The following WASHC2C variants were observed in gnomAD, a reference collection of about 807,000 sequenced individuals.
WASHC2C encodes Vaccinia Penetration Factor.
A neutral mutation model predicts 142.2 loss-of-function variants in WASHC2C; 73 were observed. The observed-to-expected ratio is 0.51, with a 90% CI of 0.43 to 0.62. The LOEUF (loss-of-function observed/expected upper bound fraction) is 0.62. Ranked by LOEUF, WASHC2C falls within the 20% of genes least tolerant of loss-of-function variation. The pLI is 0.00. For missense variants in WASHC2C, 969 were observed against 1,531.7 expected, an observed-to-expected ratio of 0.63 and a Z score of 6.13; for synonymous variants, 337 against 565.5, an observed-to-expected ratio of 0.60 and a Z score of 5.73.
chr10:45,790,591 T>A, intron 30 of WASHC2C, 58 bp downstream of exon 30: 1 of 1,611,936 alleles, frequency 6.2e-7, no homozygotes, highest in Non-Finnish European at 8.5e-7. Context: ...TCACTTGGTA[T>A]TTTTCCTGCT....
chr10:45,743,378 C>T lies in WASHC2C; in HGVS notation c.529-12C>T, dbSNP rs200251628. On this transcript the variant is annotated splice_polypyrimidine_tract_variant and intron_variant, in intron 5 of 30. Transcript: ENST00000623400. ...GAAATGTTTGACAGCCTATTCCTTT[C>T]ATCATGTACAGGATCTATACATTGA... is the stretch of plus-strand genomic sequence containing the variant. 186 of 1,611,854 alleles carry T rather than the reference C, an allele frequency of 1.2e-4. No homozygotes were observed. Among genetic ancestry groups the T allele is most frequent in the Non-Finnish European group, 1.5e-4 (177 of 1,179,852 alleles).
At chr10:45,736,405 CAAAAAAAAAAA>C (rs71520974) in intron 3 of WASHC2C, among the ~76,000 whole-genome samples, 156 of 24,550 alleles carry the variant, frequency 6.4e-3, no homozygotes, top group African/African-American at 0.014. Context: ...GACTCCATCT[CAAAAAAAAAAA>C]AAAAAAAAAA....
intron 26 of WASHC2C, 142 bp downstream of exon 26, chr10:45,785,773 A>G: frequency 6.8e-7 from 1 of 1,473,002 alleles, no homozygotes; most frequent in Non-Finnish European, 9.3e-7. Flanking sequence ...TCTTCACTGC[A>G]CTTCCCCCGA....
intron 23 of WASHC2C, among the ~76,000 whole-genome samples, chr10:45,783,020 G>A (rs547576985): frequency 2.6e-5 from 4 of 151,914 alleles, no homozygotes; most frequent in Non-Finnish European, 5.9e-5. Context: ...TTGTGGTAGT[G>A]GATACACAGA....
chr10:45,738,499 G>A (rs1319441529), intron 4 of WASHC2C, among the ~76,000 whole-genome samples: 3 of 150,010 alleles, frequency 2.0e-5, no homozygotes, highest in Non-Finnish European at 4.4e-5. Flanking sequence ...CATGGACTGT[G>A]AATAAGTTTA....
At chr10:45,760,736 G>T (rs1242969116) in intron 17 of WASHC2C, among the ~76,000 whole-genome samples, 1 of 83,792 alleles carries the variant, frequency 1.2e-5, no homozygotes, top group East Asian at 3.7e-4. Context: ...ACAACAGGAA[G>T]CCTGCTAGCA....
chr10:45,761,219 A>G (rs1309760757), intron 17 of WASHC2C, among the ~76,000 whole-genome samples: 1 of 151,946 alleles, frequency 6.6e-6, no homozygotes, highest in Non-Finnish European at 1.5e-5. Flanking sequence ...ATCTCTCACT[A>G]GCCCTGTGTG....
chr10:45,739,336 G>T, intron 4 of WASHC2C, among the ~76,000 whole-genome samples: 1 of 144,562 alleles, frequency 6.9e-6, no homozygotes. Flanking sequence ...TGTGTGGTTT[G>T]GTTCCTTCTA....
At chr10:45,749,368 G>A (rs1209859543) in intron 8 of WASHC2C, among the ~76,000 whole-genome samples, 1 of 151,058 alleles carries the variant, frequency 6.6e-6, no homozygotes, top group Non-Finnish European at 1.5e-5. Context: ...CTAGGAGGCG[G>A]AGGTTGCAGT....
chr10:45,777,527 C>T (rs2057200513), intron 22 of WASHC2C, 102 bp downstream of exon 22: 2 of 1,477,780 alleles, frequency 1.4e-6, no homozygotes, highest in African/African-American at 1.4e-5. Flanking sequence ...ATAAATGGCC[C>T]ATTTGTAGAC....
chr10:45,734,239 A>T lies in WASHC2C; in HGVS notation c.292-3744A>T, dbSNP rs1268719168. ...GACTCCGTCTCAAAAAAATAATAAT[A>T]AATAAATAAATAAATAATTGAACCT... On this transcript the variant is annotated intron_variant, in intron 3 of 30. Transcript: ENST00000623400. 2.6e-5 allele frequency among the ~76,000 whole-genome samples: 4 copies of T among 151,774 alleles called. No individual in the cohort carries two copies. In the East Asian group the frequency reaches 5.8e-4, roughly 22 times the overall value.
rs1333824331 is a variant in WASHC2C at position 45,784,264 on chromosome 10, A to G, written c.2479-301A>G. ...TATGTGTGTGTGTGTATATATATAT[A>G]TATATATATATATATATATATATAT... On this transcript the variant is annotated intron_variant, in intron 23 of 30. Transcript: ENST00000623400. Among the ~76,000 whole-genome samples the G allele has an allele frequency of 1.8e-3, 9 of 5,092 alleles. No individual in the cohort carries two copies. In the Admixed American group the frequency reaches 0.03, roughly 17 times the overall value. 3.3% of individuals were successfully genotyped at this position (5,092 alleles called of 152,430 possible).
intron 10 of WASHC2C, 70 bp from the exon 11 acceptor site, chr10:45,751,412 G>A (rs1401688146): frequency 1.4e-5 from 10 of 740,654 alleles, no homozygotes; most frequent in East Asian, 8.4e-5. Flanking sequence ...GATGACAGAC[G>A]TGGAAAGAAC....
chr10:45,729,013 A>G lies in WASHC2C; in HGVS notation c.278A>G (p.Gln93Arg). 6.2e-7 allele frequency: 1 copy of G among 1,611,180 alleles called. No homozygotes were observed. Among genetic ancestry groups the G allele is most frequent in the Non-Finnish European group, 8.5e-7 (1 of 1,178,930 alleles). ...FNDFLMLSNT[Q>R]FIENRVYDEE... ...GACTTCCTTATGCTCTCTAATACCCAGTTCATAGAGAATGTGAGTTATTTA... is the reference window on the plus strand; with the variant it reads ...GACTTCCTTATGCTCTCTAATACCCGGTTCATAGAGAATGTGAGTTATTTA... Residue 93 changes from glutamine (Q) to arginine (R), a missense_variant, in exon 3 of 31, where the codon CAG becomes CGG. Coordinates refer to ENST00000623400, the MANE Select transcript of WASHC2C (RefSeq NM_001330074.2).
Position 45,756,880 on chromosome 10 carries a change from T to A in WASHC2C, c.1421-132T>A. The A allele has an allele frequency of 1.3e-5, 10 of 755,536 alleles. No individual in the cohort carries two copies. In the South Asian group the frequency reaches 1.9e-4, roughly 14 times the overall value. The allele number at this position is 755,536 out of a possible 1,614,324, so 46.8% of individuals were successfully genotyped here. On this transcript the variant is annotated intron_variant, in intron 15 of 30. Coordinates refer to ENST00000623400, the MANE Select transcript of WASHC2C (RefSeq NM_001330074.2). ...GAAGAGTATAGTTCCACTTACTATT[T>A]CTTTATAACTAATCAAGAAACAACA... is the stretch of plus-strand genomic sequence containing the variant.
chr10:45,742,677 G>C (rs1478349578), intron 5 of WASHC2C, among the ~76,000 whole-genome samples: 3 of 151,978 alleles, frequency 2.0e-5, no homozygotes, highest in African/African-American at 7.2e-5. Context: ...GCTTTTTAGG[G>C]GACAGCTCAC....
At chr10:45,757,631 T>A (rs569905804) in intron 16 of WASHC2C, among the ~76,000 whole-genome samples, 1 of 152,140 alleles carries the variant, frequency 6.6e-6, no homozygotes, top group African/African-American at 2.4e-5. Flanking sequence ...AATACAGATT[T>A]AAAATTATCT....
At chr10:45,771,859 A>C (rs1239000309) in intron 20 of WASHC2C, 3 of 346,208 alleles carry the variant, frequency 8.7e-6, no homozygotes, top group Non-Finnish European at 1.2e-5. Flanking sequence ...AAAATGTTAA[A>C]CATAGAGTCA....
In WASHC2C at chr10:45,789,758, T is replaced by G. The variant is rs1589977896; in HGVS notation, c.3708+267T>G. The stretch of plus-strand genomic sequence containing the variant: ...TCTAGTTTTTACAGTTTTTTTATTT[T>G]TATAGAATATTGTTGTAATCAGCTT... On this transcript the variant is annotated intron_variant, in intron 29 of 30. Transcript: ENST00000623400. 2.0e-5 allele frequency among the ~76,000 whole-genome samples: 3 copies of G among 152,272 alleles called. No homozygotes were observed. The East Asian group carries it at 5.8e-4, about 29-fold the overall frequency.
Sources: gnomAD v4.1 joint callset for allele counts (sites outside exome capture counted in the v4.1 genomes callset) on GRCh38, gnomAD v4.1.1 for gene constraint, MANE v1.5 for transcripts, NCBI Gene and HGNC (gene_info 2026-07-23, HGNC 2026-07-21) for gene names.